The following NEGR1 variants were observed in gnomAD, a reference collection of about 807,000 sequenced individuals.
NEGR1 encodes IgLON family member 4.
A neutral mutation model predicts 40.9 loss-of-function variants in NEGR1; 10 were observed. The ratio of observed to expected loss-of-function variants is 0.24; its 90% CI spans 0.15 to 0.42. The LOEUF is 0.42. Ranked by LOEUF, NEGR1 falls within the 10% of genes least tolerant of loss-of-function variation. The pLI, the probability that NEGR1 is intolerant of heterozygous loss-of-function variation, is 1.00. For synonymous variants in NEGR1, 185 were observed against 166.8 expected (o/e 1.11, Z -0.84); for missense variants, 352 against 438.9 (o/e 0.80, Z 1.77).
intron 3 of NEGR1, among the ~76,000 whole-genome samples, chr1:71,711,981 A>G (rs1654109648): frequency 6.6e-6 from 1 of 152,210 alleles, no homozygotes; most frequent in African/African-American, 2.4e-5. Context: ...AAAACTATCA[A>G]GGTGAAGAAT....
chr1:71,719,173 C>T (rs886719724), intron 3 of NEGR1, among the ~76,000 whole-genome samples: 1 of 152,032 alleles, frequency 6.6e-6, no homozygotes, highest in Non-Finnish European at 1.5e-5. Flanking sequence ...TGGGTTGGCC[C>T]TTCTCGAATT....
At chr1:72,016,552 C>G (rs773892141) in intron 1 of NEGR1, among the ~76,000 whole-genome samples, 70 of 152,120 alleles carry the variant, frequency 4.6e-4, no homozygotes, top group Non-Finnish European at 9.7e-4. Flanking sequence ...GGAATTTCCC[C>G]TAAACTTGCA....
Position 71,948,432 on chromosome 1 carries a change from T to C in NEGR1, c.177-13121A>G, listed in dbSNP as rs371287634. On this transcript the variant is annotated intron_variant, in intron 1 of 6. Coordinates refer to ENST00000357731, the MANE Select transcript of NEGR1 (RefSeq NM_173808.3). ...ATATATCTTTATGATCAACTCTTTG[T>C]TATTGTTAAATATTTGCTTCTTCAA... is the stretch of plus-strand genomic sequence containing the variant. Among the ~76,000 whole-genome samples, 6 of 152,070 alleles carry C rather than the reference T, an allele frequency of 3.9e-5. No individual in the cohort carries two copies. The South Asian group carries it at 1.2e-3, about 32-fold the overall frequency.
At chr1:72,213,341 TAGA>T (rs768705728) in intron 1 of NEGR1, among the ~76,000 whole-genome samples, 6 of 151,922 alleles carry the variant, frequency 3.9e-5, no homozygotes, top group South Asian at 2.1e-4. Flanking sequence ...TCCATATGCT[TAGA>T]AGATTTTTTT....
chr1:71,658,787 T>C (rs1205059211), intron 4 of NEGR1, among the ~76,000 whole-genome samples: 1 of 152,188 alleles, frequency 6.6e-6, no homozygotes, highest in Non-Finnish European at 1.5e-5. Context: ...ACTGCAGTCC[T>C]TCTTAGAATT....
chr1:71,723,712 G>A (rs1038849511), intron 3 of NEGR1, among the ~76,000 whole-genome samples: 11 of 152,072 alleles, frequency 7.2e-5, no homozygotes, highest in Admixed American at 6.6e-4. Flanking sequence ...GTGCCTTCTT[G>A]AGTTCTGTGA....
At chr1:71,663,092 G>C (rs1404550262) in intron 4 of NEGR1, among the ~76,000 whole-genome samples, 1 of 151,944 alleles carries the variant, frequency 6.6e-6, no homozygotes, top group African/African-American at 2.4e-5. Context: ...GAGTAGCTGG[G>C]ACTACAGGCG....
chr1:72,112,809 C>G (rs530687352), intron 1 of NEGR1, among the ~76,000 whole-genome samples: 33 of 151,800 alleles, frequency 2.2e-4, no homozygotes, highest in African/African-American at 7.2e-4. Context: ...GGCCATAGTA[C>G]AGGTTGTGCT....
chr1:72,113,035 A>G (rs919904130), intron 1 of NEGR1, among the ~76,000 whole-genome samples: 2 of 151,658 alleles, frequency 1.3e-5, no homozygotes, highest in African/African-American at 4.8e-5. Flanking sequence ...TTGGATTTAA[A>G]TTTATTTATT....
rs149203801 is a variant in NEGR1, at chr1:71,558,194, A to T, written c.940+34623T>A. 1.3e-3 allele frequency among the ~76,000 whole-genome samples: 191 copies of T among 151,600 alleles called. 1 individual carries two copies. The highest frequency in any genetic ancestry group is 4.4e-3 in the African/African-American group (184 of 41,448). On this transcript the variant is annotated intron_variant, in intron 6 of 6. Coordinates refer to ENST00000357731, the MANE Select transcript of NEGR1 (RefSeq NM_173808.3). ...ATTTTTCTTTTTCCATACTCTACTC[A>T]GTATCAGTATCTACTCAGAACATCC...
rs181586351 is a variant in NEGR1, at chr1:71,603,111, T to C, written c.788+7915A>G. ...CAAGTTTCTTCAATTCAAGAACTTT[T>C]CTTTCCTTTTCAAGTTATCTCACAG... is the stretch of plus-strand genomic sequence containing the variant. On this transcript the variant is annotated intron_variant, in intron 5 of 6. Coordinates refer to ENST00000357731, the MANE Select transcript of NEGR1 (RefSeq NM_173808.3). 4.3e-4 allele frequency among the ~76,000 whole-genome samples: 65 copies of C among 152,368 alleles called. No individual in the cohort carries two copies. The East Asian group carries it at 9.8e-3, about 23-fold the overall frequency.
intron 1 of NEGR1, among the ~76,000 whole-genome samples, chr1:72,141,296 CAT>C (rs1650667899): frequency 6.6e-6 from 1 of 151,852 alleles, no homozygotes; most frequent in South Asian, 2.1e-4. Flanking sequence ...AAAATGTATG[CAT>C]ATGTCATTTC....
chr1:71,684,947 A>C (rs1652977277), intron 4 of NEGR1, among the ~76,000 whole-genome samples: 1 of 152,166 alleles, frequency 6.6e-6, no homozygotes, highest in African/African-American at 2.4e-5. Context: ...GAATTGCTTC[A>C]ATACATCTTT....
chr1:72,183,141 A>G (rs969925602), intron 1 of NEGR1, among the ~76,000 whole-genome samples: 2 of 152,080 alleles, frequency 1.3e-5, no homozygotes, highest in African/African-American at 4.8e-5. Context: ...AAAGCACTGC[A>G]TGGTGCTGGG....
chr1:71,507,740 C>A (rs764634167), intron 6 of NEGR1, among the ~76,000 whole-genome samples: 4 of 152,050 alleles, frequency 2.6e-5, no homozygotes, highest in Admixed American at 6.6e-5. Context: ...TTGGAAAATG[C>A]GAGCCACTTT....
At chr1:71,781,037 C>T (rs1656697159) in intron 2 of NEGR1, among the ~76,000 whole-genome samples, 1 of 152,150 alleles carries the variant, frequency 6.6e-6, no homozygotes, top group Non-Finnish European at 1.5e-5. Flanking sequence ...TTTGTGAGTG[C>T]ACGGCATTAT....
At chr1:71,543,623 T>A (rs1279561369) in intron 6 of NEGR1, among the ~76,000 whole-genome samples, 1 of 151,728 alleles carries the variant, frequency 6.6e-6, no homozygotes, top group Non-Finnish European at 1.5e-5. Flanking sequence ...TCACTGTACA[T>A]ACATAAAAGA....
chr1:72,193,014 G>C (rs1329701512), intron 1 of NEGR1, among the ~76,000 whole-genome samples: 5 of 151,606 alleles, frequency 3.3e-5, no homozygotes, highest in Non-Finnish European at 1.5e-5. Context: ...TGAATACCAG[G>C]ACAAAGGAGA....
chr1:72,243,157 G>T (rs1654801734), intron 1 of NEGR1, among the ~76,000 whole-genome samples: 1 of 151,434 alleles, frequency 6.6e-6, no homozygotes, highest in South Asian at 2.1e-4. Flanking sequence ...TTGTATTAAT[G>T]AGGGTAAGTC....
Sources: gnomAD v4.1 joint callset for allele counts (sites outside exome capture counted in the v4.1 genomes callset) on GRCh38, gnomAD v4.1.1 for gene constraint, MANE v1.5 for transcripts, NCBI Gene and HGNC (gene_info 2026-07-23, HGNC 2026-07-21) for gene names.